Variants in CNTN5 observed in about 807,000 individuals in gnomAD.
The protein encoded by CNTN5 is contactin 5.
In CNTN5, 77 loss-of-function variants were observed where a neutral mutation model predicts 129.1. The observed-to-expected ratio is 0.60, with a 90% CI of 0.50 to 0.72. The LOEUF (loss-of-function observed/expected upper bound fraction) is 0.72, where lower values mean the gene tolerates loss of function less well. Ranked by LOEUF, CNTN5 falls within the 30% of genes least tolerant of loss-of-function variation. The pLI is 0.00. For synonymous variants in CNTN5, 509 were observed against 465.6 expected, an observed-to-expected ratio of 1.09 and a Z score of -1.20; for missense variants, 1,478 against 1,328.8, an observed-to-expected ratio of 1.11 and a Z score of -1.75.
chr11:99,218,062 T>G (rs1487888074), intron 1 of CNTN5, among the ~76,000 whole-genome samples: 1 of 152,132 alleles, frequency 6.6e-6, no homozygotes, highest in African/African-American at 2.4e-5. Flanking sequence ...TTTTTTCTGT[T>G]TTATGGTGGT....
At chr11:100,291,877 AAAAC>A (rs1018094813) in intron 18 of CNTN5, among the ~76,000 whole-genome samples, 5 of 151,642 alleles carry the variant, frequency 3.3e-5, no homozygotes, top group East Asian at 1.9e-4. Flanking sequence ...TGTAGAGGTT[AAAAC>A]AAACAAACAA....
chr11:100,043,567 C>G (rs1411725623), intron 9 of CNTN5, among the ~76,000 whole-genome samples: 1 of 152,086 alleles, frequency 6.6e-6, no homozygotes, highest in Non-Finnish European at 1.5e-5. Flanking sequence ...TTTCTTATGC[C>G]CATCCTGCAT....
chr11:100,012,888 C>T (rs1461554373), intron 9 of CNTN5, among the ~76,000 whole-genome samples: 3 of 152,134 alleles, frequency 2.0e-5, no homozygotes, highest in South Asian at 2.1e-4. Flanking sequence ...TATCCAACAG[C>T]TTTCTTTTAA....
chr11:99,810,679 G>A (rs1409899809), intron 3 of CNTN5, among the ~76,000 whole-genome samples: 1 of 152,228 alleles, frequency 6.6e-6, no homozygotes, highest in South Asian at 2.1e-4. Context: ...CCACACGACT[G>A]GCTTTGCTGA....
At chr11:99,536,498 T>A (rs995808583) in intron 2 of CNTN5, among the ~76,000 whole-genome samples, 2 of 152,076 alleles carry the variant, frequency 1.3e-5, no homozygotes, top group South Asian at 2.1e-4. Flanking sequence ...GCATGTAACA[T>A]TGAAAACCTG....
At chr11:100,343,141 A>T (rs1952203632) in intron 23 of CNTN5, among the ~76,000 whole-genome samples, 1 of 152,206 alleles carries the variant, frequency 6.6e-6, no homozygotes, top group Admixed American at 6.5e-5. Context: ...GTTGCCTGCC[A>T]GTTCCCTCTT....
intron 2 of CNTN5, among the ~76,000 whole-genome samples, chr11:99,458,270 G>A (rs559347413): frequency 9.2e-5 from 14 of 151,856 alleles, no homozygotes; most frequent in African/African-American, 3.4e-4. Context: ...ATAAGTAAGT[G>A]AACATAAAAA....
At chr11:99,059,332 A>C (rs185464039) in intron 1 of CNTN5, among the ~76,000 whole-genome samples, 1 of 152,116 alleles carries the variant, frequency 6.6e-6, no homozygotes, top group African/African-American at 2.4e-5. Flanking sequence ...AAAAGCCTGA[A>C]CCATTGCTTG....
At chr11:99,214,717 A>G (rs1251318225) in intron 1 of CNTN5, among the ~76,000 whole-genome samples, 1 of 152,080 alleles carries the variant, frequency 6.6e-6, no homozygotes. Flanking sequence ...TGTTTTACAC[A>G]TTACTCTCAA....
chr11:99,250,992 G>T (rs1444235709), intron 1 of CNTN5, among the ~76,000 whole-genome samples: 5 of 151,856 alleles, frequency 3.3e-5, no homozygotes, highest in Admixed American at 3.3e-4. Context: ...CTTGGGAAAA[G>T]AAACTATTGA....
intron 10 of CNTN5, among the ~76,000 whole-genome samples, chr11:100,062,212 A>T (rs1242084430): frequency 6.6e-6 from 1 of 152,212 alleles, no homozygotes; most frequent in Admixed American, 6.6e-5. Context: ...GAAATAAGCA[A>T]ATATAGATGC....
intron 3 of CNTN5, among the ~76,000 whole-genome samples, chr11:99,722,697 C>T (rs977548948): frequency 2.0e-5 from 3 of 152,120 alleles, no homozygotes; most frequent in Admixed American, 2.0e-4. Context: ...AAGGTACAGT[C>T]AAATTGCTAA....
intron 21 of CNTN5, among the ~76,000 whole-genome samples, chr11:100,321,270 T>G (rs1437822816): frequency 1.3e-5 from 2 of 150,734 alleles, no homozygotes; most frequent in African/African-American, 4.9e-5. Flanking sequence ...CTTCACCTTC[T>G]TGCTTAACTT....
chr11:99,711,925 C>A (rs640017), intron 3 of CNTN5, among the ~76,000 whole-genome samples: 105,630 of 151,882 alleles, frequency 0.7, 36,808 homozygotes, highest in Middle Eastern at 0.79. Context: ...TATTGTGAAT[C>A]GTGCTGCAGT....
intron 6 of CNTN5, among the ~76,000 whole-genome samples, chr11:99,885,910 C>A (rs561903727): frequency 2.0e-5 from 3 of 152,078 alleles, no homozygotes; most frequent in African/African-American, 7.2e-5. Flanking sequence ...TAAAGCTTAA[C>A]TAGAACTTTG....
At position 99,860,950 on chromosome 11, in the gene CNTN5, A is replaced by ATTTT. The variant is rs146364893; in HGVS notation, c.577+15708_577+15711dup. 2.8e-3 allele frequency among the ~76,000 whole-genome samples: 256 copies of ATTTT among 91,012 alleles called. 3 individuals carry two copies. Among genetic ancestry groups the ATTTT allele is most frequent in the African/African-American group, 5.9e-3 (133 of 22,512 alleles). 59.7% of individuals were successfully genotyped at this position (91,012 alleles called of 152,430 possible). ...TTCCATTAACATGGAATATGTCTTCATTTTTTTTTTTTTTTTTTTTTTTGA... is the reference window on the plus strand; with the variant it reads ...TTCCATTAACATGGAATATGTCTTCATTTTTTTTTTTTTTTTTTTTTTTTTTTGA... On this transcript the variant is annotated intron_variant, in intron 6 of 24. Transcript: ENST00000524871.
chr11:100,202,858 G>GCC (rs1208604126), intron 15 of CNTN5, among the ~76,000 whole-genome samples: 1 of 151,868 alleles, frequency 6.6e-6, no homozygotes, highest in Non-Finnish European at 1.5e-5. Flanking sequence ...TTACGCAACA[G>GCC]CCCCCATCAT....
intron 3 of CNTN5, among the ~76,000 whole-genome samples, chr11:99,763,613 G>A (rs987889016): frequency 1.3e-5 from 2 of 151,960 alleles, no homozygotes; most frequent in South Asian, 4.1e-4. Flanking sequence ...TCAAAAACTA[G>A]AAAATAGGTA....
At chr11:100,255,529 C>T (rs1053242019) in intron 16 of CNTN5, among the ~76,000 whole-genome samples, 1 of 152,144 alleles carries the variant, frequency 6.6e-6, no homozygotes, top group African/African-American at 2.4e-5. Context: ...TAATTGGTAA[C>T]TGCCTCTGGG....
Sources: allele counts gnomAD v4.1 joint callset (sites outside exome capture counted in the v4.1 genomes callset), GRCh38; gene constraint gnomAD v4.1.1; transcripts MANE v1.5; gene names NCBI Gene and HGNC (gene_info 2026-07-23, HGNC 2026-07-21).